The following CISD2 variants were observed in gnomAD, a reference collection of about 807,000 sequenced individuals.
CISD2 encodes CDGSH iron sulfur domain 2, also known as CDGSH iron-sulfur domain-containing protein 2.
CISD2 carries 1 observed loss-of-function variant against 12.9 expected under a neutral mutation model. That is an observed-to-expected ratio of 0.08 (90% CI 0.03 to 0.37). The LOEUF is 0.37. Among genes scored for constraint, CISD2 ranks in the 10% least tolerant of loss-of-function variants. CISD2 has a pLI of 0.99. For synonymous variants in CISD2, 50 were observed against 60.6 expected (o/e 0.83, Z 0.81); for missense variants, 97 against 163.1 (o/e 0.59, Z 2.21).
intron 1 of CISD2, among the ~76,000 whole-genome samples, chr4:102,877,513 G>A (rs760695662): frequency 9.2e-5 from 14 of 152,322 alleles, no homozygotes; most frequent in African/African-American, 2.4e-4. Context: ...GAGTGCCTGC[G>A]GCTTTTCCAG....
rs186588598 is a variant in CISD2, at chr4:102,878,611, C to A, written c.104-6605C>A. ...AGCATAGCAAGAGTGACCTTTGCTC[C>A]ATTTCCCAGTAAGTTCCTCATCTCC... On this transcript the variant is annotated intron_variant, in intron 1 of 2. Coordinates refer to ENST00000273986, the MANE Select transcript of CISD2 (RefSeq NM_001008388.5). Among the ~76,000 whole-genome samples, 4 of 152,316 alleles carry A rather than the reference C, an allele frequency of 2.6e-5. No homozygotes were observed. The East Asian group carries it at 5.8e-4, about 22-fold the overall frequency.
intron 1 of CISD2, among the ~76,000 whole-genome samples, chr4:102,872,556 A>AT (rs1363974437): frequency 2.0e-5 from 3 of 152,184 alleles, no homozygotes; most frequent in African/African-American, 7.2e-5. Context: ...ATATGGCTAT[A>AT]TTATATGTAG....
intron 2 of CISD2, 55 bp downstream of exon 2, chr4:102,885,485 C>A: frequency 7.6e-7 from 1 of 1,315,494 alleles, no homozygotes; most frequent in Non-Finnish European, 1.1e-6. Context: ...GATTGTTTCG[C>A]CTCTTAAATC....
intron 1 of CISD2, among the ~76,000 whole-genome samples, chr4:102,882,348 CA>C (rs1733741549): frequency 6.6e-6 from 1 of 152,128 alleles, no homozygotes; most frequent in Admixed American, 6.5e-5. Flanking sequence ...TTTCGAGTTA[CA>C]TACTGGATGC....
chr4:102,882,115 C>T (rs1733735336), intron 1 of CISD2, among the ~76,000 whole-genome samples: 1 of 152,112 alleles, frequency 6.6e-6, no homozygotes, highest in Non-Finnish European at 1.5e-5. Context: ...TAGCTTGTGC[C>T]CGGGAGGTGG....
rs897572830 is a variant in CISD2, at chr4:102,890,418, T to G, written c.*2988T>G. 6.6e-6 allele frequency: 1 copy of G among 152,218 alleles called. No homozygotes were observed. Among genetic ancestry groups the G allele is most frequent in the Non-Finnish European group, 1.5e-5 (1 of 68,032 alleles). 9.4% of individuals were successfully genotyped at this position (152,218 alleles called of 1,614,324 possible). ...TTAAGAATTTAGGTGGATGTTTTAT[T>G]TGATACCTACCAAAGAAGCCTAAGT... On this transcript the variant is annotated 3_prime_UTR_variant, in exon 3 of 3. Coordinates refer to ENST00000273986, the MANE Select transcript of CISD2 (RefSeq NM_001008388.5).
At chr4:102,885,160 C>T in intron 1 of CISD2, 56 bp from the exon 2 acceptor site, 1 of 1,331,382 alleles carries the variant, frequency 7.5e-7, no homozygotes, top group Non-Finnish European at 1.1e-6. Flanking sequence ...ACTAGACATG[C>T]TATTTTGAAT....
At chr4:102,869,284 C>T (rs1036757690) in intron 1 of CISD2, 97 bp downstream of exon 1, 121 of 1,476,444 alleles carry the variant, frequency 8.2e-5, no homozygotes, top group Middle Eastern at 1.7e-4. Context: ...GGACGGAGCT[C>T]GGCGCCTGGC....
At chr4:102,885,726 A>G (rs752780844) in intron 2 of CISD2, among the ~76,000 whole-genome samples, 7 of 152,212 alleles carry the variant, frequency 4.6e-5, no homozygotes, top group Non-Finnish European at 8.8e-5. Flanking sequence ...GTTTAATGGA[A>G]AAAAGCTTTG....
At position 102,879,918 on chromosome 4, in the gene CISD2, T is replaced by C. The variant is rs1395574044; in HGVS notation, c.104-5298T>C. Among the ~76,000 whole-genome samples the C allele has an allele frequency of 3.3e-5, 5 of 152,222 alleles. No individual in the cohort carries two copies. In the East Asian group the frequency reaches 5.8e-4, roughly 18 times the overall value. The stretch of plus-strand genomic sequence containing the variant: ...CAGACAAATAAGGTCCCTGCCCTTG[T>C]ATCTCTCTTTTTCTTTTATTTTTTA... On this transcript the variant is annotated intron_variant, in intron 1 of 2. Coordinates refer to ENST00000273986, the MANE Select transcript of CISD2 (RefSeq NM_001008388.5).
Position 102,891,372 on chromosome 4 carries a change from A to G in CISD2, c.*3942A>G, listed in dbSNP as rs532145258. 1 of 152,338 alleles carries G rather than the reference A, an allele frequency of 6.6e-6. No homozygotes were observed. Among genetic ancestry groups the G allele is most frequent in the Admixed American group, 6.5e-5 (1 of 15,310 alleles). The allele number at this position is 152,338 out of a possible 1,614,324, so 9.4% of individuals were successfully genotyped here. ...TGACAGCTGACAGCAAGTCAGGGGA[A>G]CAAAAATAAATTTAAGGTGAACATT... On this transcript the variant is annotated 3_prime_UTR_variant, in exon 3 of 3. Transcript: ENST00000273986.
At chr4:102,881,591 A>G (rs1463189167) in intron 1 of CISD2, among the ~76,000 whole-genome samples, 1 of 152,244 alleles carries the variant, frequency 6.6e-6, no homozygotes, top group Non-Finnish European at 1.5e-5. Flanking sequence ...CAGCCTGAAT[A>G]AATGTACTTA....
intron 2 of CISD2, 91 bp downstream of exon 2, chr4:102,885,521 A>G: frequency 2.0e-6 from 2 of 996,282 alleles, no homozygotes; most frequent in Non-Finnish European, 3.1e-6. Context: ...CTTTAAGATG[A>G]GAGAATTTTC....
chr4:102,877,459 G>A (rs1455973723), intron 1 of CISD2, among the ~76,000 whole-genome samples: 1 of 152,234 alleles, frequency 6.6e-6, no homozygotes, highest in African/African-American at 2.4e-5. Flanking sequence ...GATGCCAGGG[G>A]TAGGCTCCCA....
chr4:102,886,746 C>A (rs1733943214), intron 2 of CISD2, among the ~76,000 whole-genome samples: 1 of 123,572 alleles, frequency 8.1e-6, no homozygotes, highest in South Asian at 3.1e-4. Context: ...CTCCCAAGTA[C>A]CCGAGACACA....
rs933324735 is a variant in CISD2 at position 102,869,005 on chromosome 4, C to G, written c.-80C>G. 1.8e-5 allele frequency: 26 copies of G among 1,451,172 alleles called. No individual in the cohort carries two copies. The highest frequency in any genetic ancestry group is 2.2e-5 in the Non-Finnish European group (24 of 1,099,630). The allele number at this position is 1,451,172 out of a possible 1,614,324, so 89.9% of individuals were successfully genotyped here. A position where few individuals can be genotyped will look rare whatever the true frequency, so the allele number is the denominator to read the frequency against. ...GCCGAGGCCGCCAGTGCCCGCCGGCCGCTTCCGCTCCCGGCGCAGGCGCGG... is the reference window on the plus strand; with the variant it reads ...GCCGAGGCCGCCAGTGCCCGCCGGCGGCTTCCGCTCCCGGCGCAGGCGCGG... On this transcript the variant is annotated 5_prime_UTR_variant, in exon 1 of 3. Transcript: ENST00000273986.
chr4:102,887,638 CCAA>C lies in CISD2; in HGVS notation c.*212_*214del. 5.0e-6 allele frequency: 2 copies of C among 401,216 alleles called. No homozygotes were observed. Among genetic ancestry groups the C allele is most frequent in the Non-Finnish European group, 9.0e-6 (2 of 222,466 alleles). The allele number at this position is 401,216 out of a possible 1,614,324, so 24.9% of individuals were successfully genotyped here. ...TGACTTCAAAGAATTAATGTATCTT[CCAA>C]CAATAAAATCACTTCTGATTTTAAT... On this transcript the variant is annotated 3_prime_UTR_variant, in exon 3 of 3. Transcript: ENST00000273986.
At chr4:102,871,190 G>A (rs574928581) in intron 1 of CISD2, among the ~76,000 whole-genome samples, 2 of 152,130 alleles carry the variant, frequency 1.3e-5, no homozygotes, top group Non-Finnish European at 2.9e-5. Flanking sequence ...TATAATTGAA[G>A]AAAATTAGAA....
chr4:102,884,107 A>G (rs1019406189), intron 1 of CISD2, among the ~76,000 whole-genome samples: 1 of 152,162 alleles, frequency 6.6e-6, no homozygotes, highest in Non-Finnish European at 1.5e-5. Context: ...ACAGATTTTA[A>G]TTTTAGATCT....
Sources: gnomAD v4.1 joint callset for allele counts (sites outside exome capture counted in the v4.1 genomes callset) on GRCh38, gnomAD v4.1.1 for gene constraint, MANE v1.5 for transcripts, NCBI Gene and HGNC (gene_info 2026-07-23, HGNC 2026-07-21) for gene names.